The following GRID2 variants were observed in gnomAD, a reference collection of about 807,000 sequenced individuals.
GRID2 encodes the protein glutamate receptor ionotropic, delta-2.
In GRID2, 33 loss-of-function variants were observed where a neutral mutation model predicts 114.8. The observed-to-expected ratio is 0.29, with a 90% CI of 0.22 to 0.38. The LOEUF (loss-of-function observed/expected upper bound fraction) is 0.38. GRID2 is among the 10% of genes least tolerant of loss of function. GRID2 has a pLI of 1.00. For synonymous variants in GRID2, 505 were observed against 449.9 expected (o/e 1.12, Z -1.55); for missense variants, 1,184 against 1,257.7 (o/e 0.94, Z 0.89).
At chr4:92,531,246 GCATA>G (rs2149151020) in intron 1 of GRID2, among the ~76,000 whole-genome samples, 1 of 152,134 alleles carries the variant, frequency 6.6e-6, no homozygotes, top group East Asian at 1.9e-4. Flanking sequence ...TTGAAAATAT[GCATA>G]ATTAGGAGGA....
intron 2 of GRID2, among the ~76,000 whole-genome samples, chr4:92,858,782 C>G (rs1744339200): frequency 6.6e-6 from 1 of 152,126 alleles, no homozygotes; most frequent in Non-Finnish European, 1.5e-5. Flanking sequence ...TGGTCTCGAT[C>G]TCCTGATCTT....
chr4:93,757,342 G>A (rs1455692151), intron 14 of GRID2, among the ~76,000 whole-genome samples: 4 of 152,160 alleles, frequency 2.6e-5, no homozygotes, highest in East Asian at 3.9e-4. Flanking sequence ...AGGGAACTCC[G>A]TTCGTCTTTT....
In GRID2 at chr4:92,750,789, T is replaced by C. The variant is rs184802458; in HGVS notation, c.244+160503T>C. 4.1e-4 allele frequency among the ~76,000 whole-genome samples: 62 copies of C among 152,350 alleles called. 3 individuals carry two copies. The highest frequency in any genetic ancestry group is 4.1e-3 in the Admixed American group (62 of 15,300). ...CAACAGTGTTGCAGAAGAGCATGCTTCATTTTTGAATAGCAGCAATAATTT... is the reference window on the plus strand; with the variant it reads ...CAACAGTGTTGCAGAAGAGCATGCTCCATTTTTGAATAGCAGCAATAATTT... On this transcript the variant is annotated intron_variant, in intron 2 of 15. Coordinates refer to ENST00000282020, the MANE Select transcript of GRID2 (RefSeq NM_001510.4).
intron 2 of GRID2, among the ~76,000 whole-genome samples, chr4:92,931,438 A>G (rs996151557): frequency 2.7e-5 from 4 of 150,840 alleles, no homozygotes; most frequent in Non-Finnish European, 6.0e-5. Flanking sequence ...ATCTCTTCCT[A>G]CTCCTGTACT....
intron 2 of GRID2, among the ~76,000 whole-genome samples, chr4:92,879,964 G>T (rs1006007509): frequency 2.6e-5 from 4 of 152,122 alleles, no homozygotes; most frequent in Non-Finnish European, 4.4e-5. Flanking sequence ...AAAGAAAATT[G>T]TGTATTTATA....
chr4:92,556,430 G>A (rs1726852926), intron 1 of GRID2, among the ~76,000 whole-genome samples: 1 of 151,908 alleles, frequency 6.6e-6, no homozygotes, highest in Non-Finnish European at 1.5e-5. Context: ...GAGATGAAAG[G>A]CGATTTAAGC....
At chr4:92,864,028 G>A (rs948709477) in intron 2 of GRID2, among the ~76,000 whole-genome samples, 2 of 152,090 alleles carry the variant, frequency 1.3e-5, no homozygotes, top group Non-Finnish European at 2.9e-5. Flanking sequence ...CACGCCTCAA[G>A]GTGCTTCCCA....
intron 1 of GRID2, among the ~76,000 whole-genome samples, chr4:92,554,225 C>T (rs1387357000): frequency 6.6e-6 from 1 of 152,114 alleles, no homozygotes; most frequent in Non-Finnish European, 1.5e-5. Flanking sequence ...TATACGTATA[C>T]ACATGCTGTG....
chr4:92,946,476 C>G lies in GRID2; in HGVS notation c.245-138519C>G, dbSNP rs945534472. Among the ~76,000 whole-genome samples, 3 of 152,014 alleles carry G rather than the reference C, an allele frequency of 2.0e-5. No homozygotes were observed. In the East Asian group the frequency reaches 5.8e-4, roughly 29 times the overall value. On this transcript the variant is annotated intron_variant, in intron 2 of 15. Coordinates refer to ENST00000282020, the MANE Select transcript of GRID2 (RefSeq NM_001510.4). ...CTGAAGTAGCTTATTCACATATTTC[C>G]TAAATACCTTTTCTTCCCCCCCAAA...
chr4:92,338,299 ATAACT>A (rs1488412306), intron 1 of GRID2, among the ~76,000 whole-genome samples: 2 of 152,196 alleles, frequency 1.3e-5, no homozygotes, highest in East Asian at 1.9e-4. Flanking sequence ...ATACCATAAA[ATAACT>A]TAAATTTTAA....
At chr4:92,399,687 A>G (rs1730692309) in intron 1 of GRID2, among the ~76,000 whole-genome samples, 1 of 150,050 alleles carries the variant, frequency 6.7e-6, no homozygotes, top group Non-Finnish European at 1.5e-5. Flanking sequence ...ATATATATAC[A>G]TACATGTGTG....
At chr4:92,650,254 G>A (rs569299161) in intron 2 of GRID2, among the ~76,000 whole-genome samples, 2 of 151,990 alleles carry the variant, frequency 1.3e-5, no homozygotes, top group East Asian at 1.9e-4. Context: ...TATTTATAAC[G>A]ACCTTCTTCT....
intron 1 of GRID2, among the ~76,000 whole-genome samples, chr4:92,440,252 G>A (rs13125995): frequency 6.8e-6 from 1 of 146,302 alleles, no homozygotes; most frequent in Non-Finnish European, 1.5e-5. Flanking sequence ...TGAATACTAA[G>A]AGCCTGAAAA....
intron 4 of GRID2, among the ~76,000 whole-genome samples, chr4:93,117,923 C>T (rs1733430618): frequency 6.6e-6 from 1 of 152,164 alleles, no homozygotes; most frequent in Admixed American, 6.5e-5. Flanking sequence ...AACCATTCCC[C>T]TAGAAGCAAT....
chr4:92,835,606 A>G (rs2149403725), intron 2 of GRID2, among the ~76,000 whole-genome samples: 1 of 152,206 alleles, frequency 6.6e-6, no homozygotes, highest in Middle Eastern at 3.4e-3. Context: ...CTAATGCCAG[A>G]CATAAGAAGA....
chr4:92,616,007 TAAAGA>T lies in GRID2; in HGVS notation c.244+25727_244+25731del, dbSNP rs992238067. Among the ~76,000 whole-genome samples, 10 of 151,800 alleles carry T rather than the reference TAAAGA, an allele frequency of 6.6e-5. No individual in the cohort carries two copies. The East Asian group carries it at 1.2e-3, about 18-fold the overall frequency. On this transcript the variant is annotated intron_variant, in intron 2 of 15. Coordinates refer to ENST00000282020, the MANE Select transcript of GRID2 (RefSeq NM_001510.4). ...ATTTATGCATTTCTTTTAAATCAGTTAAAGAAAAGAGAAAATAAACTATGTACACT... is the reference window on the plus strand; with the variant it reads ...ATTTATGCATTTCTTTTAAATCAGTTAAAGAGAAAATAAACTATGTACACT...
intron 1 of GRID2, among the ~76,000 whole-genome samples, chr4:92,383,684 T>C (rs1729726701): frequency 6.6e-6 from 1 of 151,998 alleles, no homozygotes; most frequent in South Asian, 2.1e-4. Flanking sequence ...CTCTTCCTCT[T>C]CTTTCTTTTC....
At chr4:92,366,109 A>G (rs1166530857) in intron 1 of GRID2, among the ~76,000 whole-genome samples, 1 of 152,042 alleles carries the variant, frequency 6.6e-6, no homozygotes, top group Non-Finnish European at 1.5e-5. Flanking sequence ...ACCTTATTTT[A>G]AAACTTGCTT....
intron 7 of GRID2, among the ~76,000 whole-genome samples, chr4:93,229,891 T>A (rs1001458363): frequency 1.1e-4 from 17 of 152,284 alleles, no homozygotes; most frequent in African/African-American, 3.8e-4. Flanking sequence ...ATTCTTTTTT[T>A]AAAAATTAGC....
Sources: gnomAD v4.1 joint callset for allele counts (sites outside exome capture counted in the v4.1 genomes callset) on GRCh38, gnomAD v4.1.1 for gene constraint, MANE v1.5 for transcripts, NCBI Gene and HGNC (gene_info 2026-07-23, HGNC 2026-07-21) for gene names.